The following ARHGAP32 variants were observed in gnomAD, a reference collection of about 807,000 sequenced individuals.
ARHGAP32 encodes the protein Rho GTPase activating protein 32, also known as rho GTPase-activating protein 32.
Under a neutral mutation model 186.5 loss-of-function variants are expected in ARHGAP32, and 51 were observed. The ratio of observed to expected loss-of-function variants is 0.27; its 90% CI spans 0.22 to 0.35. The LOEUF is 0.35. Among genes scored for constraint, ARHGAP32 ranks in the 10% least tolerant of loss-of-function variants. The pLI is 1.00. For missense variants in ARHGAP32, 2,186 were observed against 2,623.5 expected (o/e 0.83, Z 3.64); for synonymous variants, 950 against 964.3 (o/e 0.99, Z 0.27).
chr11:129,197,259 T>C (rs1480319663), upstream of ARHGAP32, among the ~76,000 whole-genome samples: 3 of 152,132 alleles, frequency 2.0e-5, no homozygotes, highest in African/African-American at 7.2e-5. Context: ...CATCTAATTC[T>C]ATATCCAATA....
chr11:129,261,509 G>C (rs1332546488), intron 1 of ARHGAP32, among the ~76,000 whole-genome samples: 2 of 152,162 alleles, frequency 1.3e-5, no homozygotes, highest in South Asian at 4.1e-4. Context: ...GGTCAGCCTA[G>C]ATGGAATAGG....
intron 1 of ARHGAP32, among the ~76,000 whole-genome samples, chr11:129,269,310 T>C (rs1945445665): frequency 1.3e-5 from 2 of 151,268 alleles, no homozygotes; most frequent in African/African-American, 4.9e-5. Flanking sequence ...AATAAGCAAA[T>C]AATAAATGAA....
At chr11:129,131,668 G>A (rs1942813892) in intron 2 of ARHGAP32, among the ~76,000 whole-genome samples, 1 of 151,968 alleles carries the variant, frequency 6.6e-6, no homozygotes. Context: ...CTCCCACCAG[G>A]CCCCTCCTCC....
chr11:129,260,137 G>A (rs972202125), intron 1 of ARHGAP32, among the ~76,000 whole-genome samples: 2 of 152,114 alleles, frequency 1.3e-5, no homozygotes, highest in Non-Finnish European at 2.9e-5. Context: ...ATCTGAGACC[G>A]GCATGAGCAT....
intron 6 of ARHGAP32, among the ~76,000 whole-genome samples, chr11:129,083,460 A>G (rs1591598753): frequency 6.6e-6 from 1 of 152,220 alleles, no homozygotes; most frequent in South Asian, 2.1e-4. Context: ...TCTAAGTGAA[A>G]TAACTCAGGA....
At chr11:129,020,939 G>T (rs1270247849) in intron 11 of ARHGAP32, among the ~76,000 whole-genome samples, 1 of 152,004 alleles carries the variant, frequency 6.6e-6, no homozygotes, top group Non-Finnish European at 1.5e-5. Flanking sequence ...TATAACAGCT[G>T]CAAGGGCTGT....
intron 1 of ARHGAP32, among the ~76,000 whole-genome samples, chr11:129,261,070 T>C (rs1306888021): frequency 6.7e-6 from 1 of 149,858 alleles, no homozygotes; most frequent in African/African-American, 2.4e-5. Flanking sequence ...GCCACACTCC[T>C]CAGAAAAAAA....
intron 1 of ARHGAP32, among the ~76,000 whole-genome samples, chr11:129,214,883 C>T (rs1944626361): frequency 6.6e-6 from 1 of 152,216 alleles, no homozygotes; most frequent in Admixed American, 6.5e-5. Context: ...ACAGCAGCCA[C>T]AGACAATAGC....
intron 1 of ARHGAP32, among the ~76,000 whole-genome samples, chr11:129,178,075 A>G (rs1362328917): frequency 6.6e-6 from 1 of 150,460 alleles, no homozygotes; most frequent in Non-Finnish European, 1.5e-5. Flanking sequence ...CCTTAAGCTG[A>G]TAAGCAACTT....
intron 6 of ARHGAP32, among the ~76,000 whole-genome samples, chr11:129,073,985 C>T (rs770359959): frequency 2.0e-5 from 3 of 152,228 alleles, no homozygotes; most frequent in African/African-American, 4.8e-5. Flanking sequence ...GAATTCCATA[C>T]TCTGCAAAAT....
intron 2 of ARHGAP32, among the ~76,000 whole-genome samples, chr11:129,155,440 C>T (rs954613760): frequency 1.3e-5 from 2 of 152,080 alleles, no homozygotes; most frequent in Admixed American, 6.5e-5. Context: ...CACAGCTGTG[C>T]TAAAATAATG....
At chr11:129,015,881 C>A (rs915615866) in intron 11 of ARHGAP32, among the ~76,000 whole-genome samples, 1 of 152,142 alleles carries the variant, frequency 6.6e-6, no homozygotes, top group African/African-American at 2.4e-5. Flanking sequence ...GTAAGTGTCT[C>A]CCTGGGCACA....
At chr11:129,279,280 C>T (rs1723116821) in exon 1 of ARHGAP32, 2 of 142,184 alleles carry the variant, frequency 1.4e-5, no homozygotes, top group Admixed American at 6.9e-5. Context: ...CGCCGCCGAG[C>T]CTAGCGCCTG....
At chr11:128,983,378 T>A (rs1351621959) in intron 15 of ARHGAP32, among the ~76,000 whole-genome samples, 1 of 149,788 alleles carries the variant, frequency 6.7e-6, no homozygotes, top group Non-Finnish European at 1.5e-5. Flanking sequence ...TTGAGAAACG[T>A]ATTTAGATCG....
chr11:128,980,385 C>T (rs1260610157), intron 18 of ARHGAP32, 168 bp downstream of exon 18: 2 of 474,048 alleles, frequency 4.2e-6, no homozygotes, highest in African/African-American at 2.0e-5. Flanking sequence ...TGCATCATTC[C>T]CCATGAAGCG....
chr11:129,219,733 G>A lies in ARHGAP32; in HGVS notation c.-4-55306C>T, dbSNP rs139966484. Among the ~76,000 whole-genome samples the A allele has an allele frequency of 2.0e-4, 31 of 152,178 alleles. No homozygotes were observed. In the East Asian group the frequency reaches 5.8e-3, roughly 28 times the overall value. ...AAGCACTTAAGACTTCTTGCCTGAC[G>A]CTTTCACAAGAGCACTTTTTCTGCC... On this transcript the variant is annotated intron_variant, in intron 1 of 6. Coordinates refer to the ARHGAP32 transcript ENST00000525234.
intron 12 of ARHGAP32, among the ~76,000 whole-genome samples, chr11:128,997,117 T>A (rs1270577078): frequency 6.6e-6 from 1 of 152,218 alleles, no homozygotes; most frequent in Non-Finnish European, 1.5e-5. Flanking sequence ...TGTTTTAATA[T>A]ATAGTAAAAC....
chr11:128,988,170 T>C (rs765158673), intron 12 of ARHGAP32, 45 bp from the exon 13 acceptor site: 8 of 1,433,052 alleles, frequency 5.6e-6, no homozygotes, highest in Non-Finnish European at 7.8e-6. Flanking sequence ...TAGTATTCAC[T>C]GGAACCAAAG....
chr11:129,235,811 A>G (rs1056192864), intron 1 of ARHGAP32, among the ~76,000 whole-genome samples: 2 of 151,862 alleles, frequency 1.3e-5, no homozygotes, highest in African/African-American at 4.8e-5. Flanking sequence ...AATATAGGCT[A>G]TTTAGTTTTC....
Sources: gnomAD v4.1 joint callset for allele counts (sites outside exome capture counted in the v4.1 genomes callset) on GRCh38, gnomAD v4.1.1 for gene constraint, MANE v1.5 for transcripts, NCBI Gene and HGNC (gene_info 2026-07-23, HGNC 2026-07-21) for gene names.